The following CEMIP variants were observed in gnomAD, a reference collection of about 807,000 sequenced individuals.
CEMIP encodes the protein cell migration inducing hyaluronidase 1, also known as cell migration-inducing and hyaluronan-binding protein.
A neutral mutation model predicts 156.9 loss-of-function variants in CEMIP; 105 were observed. The ratio of observed to expected loss-of-function variants is 0.67; its 90% CI spans 0.57 to 0.79. The LOEUF is 0.79. Ranked by LOEUF, CEMIP falls within the 30% of genes least tolerant of loss-of-function variation. The pLI, the probability that CEMIP is intolerant of heterozygous loss-of-function variation, is 0.00. For synonymous variants in CEMIP, 676 were observed against 668.4 expected, an observed-to-expected ratio of 1.01 and a Z score of -0.17; for missense variants, 1,457 against 1,769.4, an observed-to-expected ratio of 0.82 and a Z score of 3.17.
rs56412231 is a variant in CEMIP at position 80,800,021 on chromosome 15, A to ATGTGTGTGTGTGTGTGTGTGTGTGTG, written c.-176+20423_-176+20448dup. ...ACATAACACCATGCCAGCTAATTTT[A>ATGTGTGTGTGTGTGTGTGTGTGTGTG]TGTGTGTGTGTGTGTGTGTGTGTGT... On this transcript the variant is annotated intron_variant, in intron 1 of 29. Coordinates refer to ENST00000394685, the MANE Select transcript of CEMIP (RefSeq NM_001293298.2). Among the ~76,000 whole-genome samples, 76 of 124,904 alleles carry ATGTGTGTGTGTGTGTGTGTGTGTGTG rather than the reference A, an allele frequency of 6.1e-4. 1 individual carries two copies. Among genetic ancestry groups the ATGTGTGTGTGTGTGTGTGTGTGTGTG allele is most frequent in the Middle Eastern group, 4.0e-3 (1 of 252 alleles). 81.9% of individuals were successfully genotyped at this position (124,904 alleles called of 152,430 possible).
At chr15:80,915,436 A>G (rs1034804615) in intron 14 of CEMIP, among the ~76,000 whole-genome samples, 2 of 152,192 alleles carry the variant, frequency 1.3e-5, no homozygotes, top group African/African-American at 4.8e-5. Flanking sequence ...TCTAACTCTT[A>G]TAATTGTTGC....
chr15:80,923,036 T>G (rs1428351495), intron 17 of CEMIP, among the ~76,000 whole-genome samples: 1 of 152,102 alleles, frequency 6.6e-6, no homozygotes, highest in African/African-American at 2.4e-5. Flanking sequence ...AAAAAGATTT[T>G]TAAAAGCCCA....
chr15:80,942,381 G>C (rs745996864), intron 27 of CEMIP, 44 bp downstream of exon 27: 1 of 1,501,290 alleles, frequency 6.7e-7, no homozygotes, highest in African/African-American at 1.4e-5. Flanking sequence ...TGCTCATTGA[G>C]AGGTGATACT....
chr15:80,794,851 G>T (rs1369624733), intron 1 of CEMIP, among the ~76,000 whole-genome samples: 1 of 152,160 alleles, frequency 6.6e-6, no homozygotes, highest in Non-Finnish European at 1.5e-5. Flanking sequence ...AAGAAAAGTT[G>T]AAAGGTTTGA....
Position 80,929,173 on chromosome 15 carries a change from C to T in CEMIP, c.2611C>T (p.Gln871Ter), listed in dbSNP as rs1327710610. 1 of 1,614,150 alleles carries T rather than the reference C, an allele frequency of 6.2e-7. No homozygotes were observed. Among genetic ancestry groups the T allele is most frequent in the Admixed American group, 1.7e-5 (1 of 60,028 alleles). The change falls in exon 21 of 30, where the codon CAG becomes TAG. Residue 871 changes from glutamine to a stop codon, truncating the protein, a stop_gained and splice_region_variant. Coordinates refer to ENST00000394685, the MANE Select transcript of CEMIP (RefSeq NM_001293298.2). LOFTEE classifies it high-confidence loss of function. ...DHSGRTLPIG[Q>*]NFPIRGIQLY... is the part of the protein sequence containing the mutation. ...TAGCGGAAGGACCCTCCCTATAGGC[C>T]AGTAGGTTTGCAACCATGTAGCTCC...
chr15:80,900,709 C>G (rs1899492788), intron 12 of CEMIP: 1 of 308,918 alleles, frequency 3.2e-6, no homozygotes, highest in Admixed American at 4.6e-5. Flanking sequence ...TCTGTCTGTT[C>G]TGGAGAGGCT....
intron 1 of CEMIP, among the ~76,000 whole-genome samples, chr15:80,840,097 A>G (rs1452079820): frequency 2.0e-5 from 3 of 152,212 alleles, no homozygotes; most frequent in Non-Finnish European, 1.5e-5. Flanking sequence ...TTCTGGTAGA[A>G]GGCAGAAAGT....
At chr15:80,839,738 G>T (rs571761196) in intron 1 of CEMIP, among the ~76,000 whole-genome samples, 1 of 152,204 alleles carries the variant, frequency 6.6e-6, no homozygotes, top group Non-Finnish European at 1.5e-5. Flanking sequence ...GGCTGCATGG[G>T]GCACAGGCAC....
intron 7 of CEMIP, among the ~76,000 whole-genome samples, chr15:80,886,956 G>T (rs1286422464): frequency 6.6e-6 from 1 of 152,166 alleles, no homozygotes; most frequent in African/African-American, 2.4e-5. Flanking sequence ...ACTCCTTCCT[G>T]CCATTTCACA....
intron 1 of CEMIP, among the ~76,000 whole-genome samples, chr15:80,833,671 T>G (rs574114076): frequency 3.4e-5 from 5 of 145,516 alleles, no homozygotes; most frequent in South Asian, 2.2e-4. Context: ...TCTTTTTTTT[T>G]TCTTTTTTTT....
At chr15:80,925,806 T>A (rs1900641284) in intron 19 of CEMIP, 51 bp downstream of exon 19, 1 of 1,593,606 alleles carries the variant, frequency 6.3e-7, no homozygotes, top group Non-Finnish European at 8.5e-7. Flanking sequence ...TGGCGCGTCT[T>A]CCCCTAGCCC....
At chr15:80,942,855 G>A (rs1397117895) in intron 27 of CEMIP, 90 bp from the exon 28 acceptor site, 3 of 1,480,418 alleles carry the variant, frequency 2.0e-6, no homozygotes, top group Non-Finnish European at 2.8e-6. Context: ...GGCAACTTCT[G>A]CCTTCAGGGT....
At chr15:80,901,257 C>A (rs1000535214) in intron 12 of CEMIP, among the ~76,000 whole-genome samples, 4 of 152,178 alleles carry the variant, frequency 2.6e-5, no homozygotes, top group Non-Finnish European at 4.4e-5. Context: ...TTCACAACAA[C>A]CTAATACAGT....
intron 12 of CEMIP, among the ~76,000 whole-genome samples, chr15:80,904,534 G>A (rs1299891468): frequency 2.6e-5 from 4 of 152,198 alleles, no homozygotes; most frequent in Admixed American, 2.6e-4. Flanking sequence ...TTCTGGAGAT[G>A]GGAGATTATC....
At position 80,896,094 on chromosome 15, in the gene CEMIP, T is replaced by C. The variant is rs113605876; in HGVS notation, c.1411+34T>C. 1,218 of 1,601,690 alleles carry C rather than the reference T, an allele frequency of 7.6e-4. 8 individuals carry two copies. The African/African-American group carries it at 0.015, about 19-fold the overall frequency. On this transcript the variant is annotated intron_variant, in intron 12 of 29. Coordinates refer to ENST00000394685, the MANE Select transcript of CEMIP (RefSeq NM_001293298.2). The stretch of plus-strand genomic sequence containing the variant: ...TTTACTAATCCCTTCCTAGACTGGA[T>C]GAATCTGAAAATTGTTAGGCTTAAA...
At chr15:80,810,355 C>A (rs1247964317) in intron 1 of CEMIP, among the ~76,000 whole-genome samples, 1 of 151,914 alleles carries the variant, frequency 6.6e-6, no homozygotes, top group African/African-American at 2.4e-5. Flanking sequence ...TTTTGAGTCA[C>A]CTGTGTTTTT....
chr15:80,882,781 C>T (rs1898707932), intron 6 of CEMIP, among the ~76,000 whole-genome samples: 1 of 150,100 alleles, frequency 6.7e-6, no homozygotes, highest in East Asian at 1.9e-4. Flanking sequence ...CACACACACA[C>T]ATACACACAC....
At chr15:80,873,173 C>G (rs1898353665) in intron 1 of CEMIP, among the ~76,000 whole-genome samples, 1 of 152,188 alleles carries the variant, frequency 6.6e-6, no homozygotes, top group African/African-American at 2.4e-5. Context: ...AATCTTTATT[C>G]TAGGTAGCCA....
At chr15:80,832,846 A>G (rs540452335) in intron 1 of CEMIP, among the ~76,000 whole-genome samples, 2 of 152,344 alleles carry the variant, frequency 1.3e-5, no homozygotes, top group South Asian at 4.1e-4. Flanking sequence ...TCTGTTCTGC[A>G]TCAGTTGAGA....
Sources: allele counts gnomAD v4.1 joint callset (sites outside exome capture counted in the v4.1 genomes callset), GRCh38; gene constraint gnomAD v4.1.1; transcripts MANE v1.5; gene names NCBI Gene and HGNC (gene_info 2026-07-23, HGNC 2026-07-21).